The following FIGN variants were observed in gnomAD, a reference collection of about 807,000 sequenced individuals.
The protein encoded by FIGN is fidgetin.
Under a neutral mutation model 51.3 loss-of-function variants are expected in FIGN, and 11 were observed. That is an observed-to-expected ratio of 0.21 (90% confidence interval 0.13 to 0.35). The LOEUF is 0.35. Among genes scored for constraint, FIGN ranks in the 10% least tolerant of loss-of-function variants. The pLI is 1.00. For synonymous variants in FIGN, 407 were observed against 363.2 expected (o/e 1.12, Z -1.37); for missense variants, 857 against 943.6 (o/e 0.91, Z 1.20).
chr2:163,626,796 T>C (rs1202368332), intron 2 of FIGN, among the ~76,000 whole-genome samples: 1 of 152,016 alleles, frequency 6.6e-6, no homozygotes, highest in Admixed American at 6.6e-5. Flanking sequence ...ATAAAACAGG[T>C]TGCGGTAAAG....
intron 2 of FIGN, among the ~76,000 whole-genome samples, chr2:163,722,124 A>G (rs566780987): frequency 3.3e-5 from 5 of 152,246 alleles, no homozygotes; most frequent in Non-Finnish European, 5.9e-5. Flanking sequence ...CTATTGGGTG[A>G]AATCCCAGCT....
At chr2:163,680,305 T>G in intron 2 of FIGN, among the ~76,000 whole-genome samples, 1 of 152,194 alleles carries the variant, frequency 6.6e-6, no homozygotes, top group East Asian at 1.9e-4. Context: ...ACCATTTCTC[T>G]TCTACCTTCT....
Position 163,610,414 on chromosome 2 carries a change from G to A in FIGN, c.1418C>T (p.Thr473Ile), listed in dbSNP as rs368825488. The A allele has an allele frequency of 6.8e-6, 11 of 1,614,108 alleles. No individual in the cohort carries two copies. The highest frequency in any genetic ancestry group is 9.3e-6 in the Non-Finnish European group (11 of 1,180,026). Reference sequence around the variant, plus strand: ...AGGTCCTTGGGTGATAATCTCATTGGTTACCAGGTCGATGAGGTGCGTGTC... The same window carrying A: ...AGGTCCTTGGGTGATAATCTCATTGATTACCAGGTCGATGAGGTGCGTGTC... ...NTDTHLIDLV[T>I]NEIITQGPPV... Residue 473 changes from threonine to isoleucine, a missense_variant, in exon 3 of 3, where the codon ACC becomes ATC. Thr to Ile is a moderately conservative substitution (Grantham distance 89). Coordinates refer to ENST00000333129, the MANE Select transcript of FIGN (RefSeq NM_018086.4).
chr2:163,678,296 C>G (rs1458002883), intron 2 of FIGN, among the ~76,000 whole-genome samples: 11 of 152,096 alleles, frequency 7.2e-5, no homozygotes, highest in Non-Finnish European at 2.9e-5. Context: ...TCTTGGCTCA[C>G]TGCAACCTCC....
At chr2:163,679,917 C>T (rs1479118845) in intron 2 of FIGN, among the ~76,000 whole-genome samples, 1 of 152,182 alleles carries the variant, frequency 6.6e-6, no homozygotes, top group Non-Finnish European at 1.5e-5. Context: ...TTGTCTGGTA[C>T]ATGCACTTTC....
rs1295952479 is a variant in FIGN, at chr2:163,603,275, G to A, written c.*6277C>T. ...AATTTGCAGAACAAATAAGGAAACA[G>A]TACTAGAATAACCCAAAGAAACATG... On this transcript the variant is annotated 3_prime_UTR_variant, in exon 3 of 3. Coordinates refer to ENST00000333129, the MANE Select transcript of FIGN (RefSeq NM_018086.4). The A allele has an allele frequency of 6.6e-6, 1 of 152,002 alleles. No homozygotes were observed. The highest frequency in any genetic ancestry group is 1.5e-5 in the Non-Finnish European group (1 of 67,958). 9.4% of individuals were successfully genotyped at this position (152,002 alleles called of 1,614,324 possible).
At chr2:163,720,167 A>C (rs1220426819) in intron 2 of FIGN, among the ~76,000 whole-genome samples, 2 of 152,234 alleles carry the variant, frequency 1.3e-5, no homozygotes, top group African/African-American at 2.4e-5. Context: ...GTAATTGCTT[A>C]AATGATTTAT....
In FIGN at chr2:163,664,258, C is replaced by G. The variant is rs114520905; in HGVS notation, c.26-52452G>C. Among the ~76,000 whole-genome samples the G allele has an allele frequency of 5.3e-3, 804 of 152,264 alleles. 6 individuals are homozygous for G. The highest frequency in any genetic ancestry group is 0.019 in the African/African-American group (769 of 41,534). On this transcript the variant is annotated intron_variant, in intron 2 of 2. Transcript: ENST00000333129. ...AGAACAATGACAGTTGAAGATCGTT[C>G]TGTTGTTAATCGTTCCTTTCTTTAT...
intron 2 of FIGN, among the ~76,000 whole-genome samples, chr2:163,625,277 T>C (rs950348786): frequency 6.6e-6 from 1 of 151,962 alleles, no homozygotes; most frequent in African/African-American, 2.4e-5. Flanking sequence ...AGAGGAAAAA[T>C]GGCATTTCTA....
intron 2 of FIGN, among the ~76,000 whole-genome samples, chr2:163,636,697 T>C (rs1183807714): frequency 6.6e-6 from 1 of 152,128 alleles, no homozygotes; most frequent in Non-Finnish European, 1.5e-5. Context: ...TCCCCTCCAT[T>C]TTCCCAAACA....
chr2:163,706,915 G>A (rs548796383), intron 2 of FIGN, among the ~76,000 whole-genome samples: 18 of 152,138 alleles, frequency 1.2e-4, no homozygotes, highest in Non-Finnish European at 5.9e-5. Flanking sequence ...ATAAACAAAC[G>A]ATGAAAACTT....
chr2:163,617,730 A>G (rs1682903582), intron 2 of FIGN, among the ~76,000 whole-genome samples: 1 of 152,118 alleles, frequency 6.6e-6, no homozygotes. Context: ...ATCATCACTT[A>G]TTTATTCTAA....
intron 2 of FIGN, among the ~76,000 whole-genome samples, chr2:163,721,443 G>A (rs753707648): frequency 6.6e-6 from 1 of 152,094 alleles, no homozygotes; most frequent in East Asian, 1.9e-4. Flanking sequence ...CTAAACACAC[G>A]GGTCTTCACT....
At chr2:163,702,776 A>G (rs933532370) in intron 2 of FIGN, among the ~76,000 whole-genome samples, 2 of 152,130 alleles carry the variant, frequency 1.3e-5, no homozygotes, top group Non-Finnish European at 1.5e-5. Context: ...TCCATCTAAC[A>G]CAGAAGTTCT....
chr2:163,609,444 G>T lies in FIGN; in HGVS notation c.*108C>A. 1 of 927,750 alleles carries T rather than the reference G, an allele frequency of 1.1e-6. No individual in the cohort carries two copies. Among genetic ancestry groups the T allele is most frequent in the Non-Finnish European group, 1.6e-6 (1 of 626,474 alleles). 57.5% of individuals were successfully genotyped at this position (927,750 alleles called of 1,614,324 possible). On this transcript the variant is annotated 3_prime_UTR_variant, in exon 3 of 3. Coordinates refer to ENST00000333129, the MANE Select transcript of FIGN (RefSeq NM_018086.4). ...TGCAACTTAATCGTCATCTTCCCCA[G>T]TACCCTTTGCAATTTAAACTCTACT... is the stretch of plus-strand genomic sequence containing the variant.
intron 2 of FIGN, among the ~76,000 whole-genome samples, chr2:163,724,995 A>G (rs149561441): frequency 5.3e-5 from 8 of 152,252 alleles, no homozygotes; most frequent in Non-Finnish European, 1.2e-4. Context: ...CATTCTGTGT[A>G]ACAACCACAT....
At chr2:163,696,587 G>A (rs933426943) in intron 2 of FIGN, among the ~76,000 whole-genome samples, 3 of 152,110 alleles carry the variant, frequency 2.0e-5, no homozygotes, top group Admixed American at 6.6e-5. Context: ...CATACACTGT[G>A]TCACTTATTC....
chr2:163,706,654 A>G (rs1441765544), intron 2 of FIGN, among the ~76,000 whole-genome samples: 1 of 152,170 alleles, frequency 6.6e-6, no homozygotes, highest in African/African-American at 2.4e-5. Context: ...TATCATCCAA[A>G]CAAATCACAT....
intron 2 of FIGN, among the ~76,000 whole-genome samples, chr2:163,699,371 T>C (rs1684372144): frequency 6.6e-6 from 1 of 152,152 alleles, no homozygotes; most frequent in Admixed American, 6.6e-5. Context: ...AAGTGACATG[T>C]CAACGATTTA....
Sources: allele counts gnomAD v4.1 joint callset (sites outside exome capture counted in the v4.1 genomes callset), GRCh38; gene constraint gnomAD v4.1.1; transcripts MANE v1.5; gene names NCBI Gene and HGNC (gene_info 2026-07-23, HGNC 2026-07-21).